BCKDHB: variants seen among roughly 807,000 people sequenced by gnomAD.
The protein encoded by BCKDHB is branched chain keto acid dehydrogenase E1 subunit beta.
In BCKDHB, 41 loss-of-function variants were observed where a neutral mutation model predicts 48.5. That is an observed-to-expected ratio of 0.85 (90% CI 0.66 to 1.10). The LOEUF (loss-of-function observed/expected upper bound fraction) is 1.10, where lower values mean the gene tolerates loss of function less well. Ranked by LOEUF, BCKDHB falls within the 50% of genes least tolerant of loss-of-function variation. The pLI is 0.00. For missense variants in BCKDHB, 496 were observed against 494.2 expected, an observed-to-expected ratio of 1.00 and a Z score of -0.03; for synonymous variants, 201 against 174.8, an observed-to-expected ratio of 1.15 and a Z score of -1.18.
At chr6:80,339,672 G>C (rs1175237968) in intron 9 of BCKDHB, among the ~76,000 whole-genome samples, 1 of 152,152 alleles carries the variant, frequency 6.6e-6, no homozygotes, top group Non-Finnish European at 1.5e-5. Flanking sequence ...TTACCTTCAT[G>C]ATCAAGTTTG....
At chr6:80,191,272 C>T (rs963256268) in intron 6 of BCKDHB, among the ~76,000 whole-genome samples, 4 of 152,058 alleles carry the variant, frequency 2.6e-5, no homozygotes, top group Non-Finnish European at 4.4e-5. Context: ...ATGTATTCCC[C>T]GTATATCTTT....
At chr6:80,165,690 G>A (rs1404955888) in intron 3 of BCKDHB, among the ~76,000 whole-genome samples, 1 of 152,124 alleles carries the variant, frequency 6.6e-6, no homozygotes, top group Admixed American at 6.6e-5. Context: ...TGAATTATAC[G>A]CTAATAAAAT....
intron 8 of BCKDHB, among the ~76,000 whole-genome samples, chr6:80,266,285 A>T (rs1180579982): frequency 1.3e-5 from 2 of 152,148 alleles, no homozygotes; most frequent in African/African-American, 4.8e-5. Context: ...AAGAGTGAAG[A>T]TACAAAAACA....
At chr6:80,159,770 CT>C (rs1373030424) in intron 3 of BCKDHB, among the ~76,000 whole-genome samples, 1 of 151,968 alleles carries the variant, frequency 6.6e-6, no homozygotes, top group Non-Finnish European at 1.5e-5. Flanking sequence ...TTTTATTTCC[CT>C]GGTTTATTTT....
the BCKDHB span, among the ~76,000 whole-genome samples, chr6:80,389,213 G>A: frequency 6.6e-6 from 1 of 151,850 alleles, no homozygotes; most frequent in African/African-American, 2.4e-5. Flanking sequence ...AGCCACCCCT[G>A]TTATCACCTA....
the BCKDHB span, among the ~76,000 whole-genome samples, chr6:80,378,946 T>C: frequency 6.6e-6 from 1 of 151,832 alleles, no homozygotes; most frequent in African/African-American, 2.4e-5. Flanking sequence ...AAATCAGTAA[T>C]AAAAAATCTC....
At chr6:80,320,384 T>C (rs1768660094) in intron 9 of BCKDHB, among the ~76,000 whole-genome samples, 1 of 152,242 alleles carries the variant, frequency 6.6e-6, no homozygotes, top group South Asian at 2.1e-4. Context: ...AGAATTTGTA[T>C]CATCTAAACA....
the BCKDHB span, chr6:80,373,914 T>G: frequency 7.1e-6 from 3 of 422,482 alleles, no homozygotes; most frequent in Non-Finnish European, 8.9e-6. Context: ...GTCAGGTGAG[T>G]CTCTTGGAAA....
chr6:80,191,882 A>G (rs1294033433), intron 6 of BCKDHB, among the ~76,000 whole-genome samples: 1 of 152,230 alleles, frequency 6.6e-6, no homozygotes, highest in Non-Finnish European at 1.5e-5. Context: ...AGAGCTTAGC[A>G]TCAATCTTTC....
chr6:80,176,032 T>C (rs1043858324), intron 6 of BCKDHB, among the ~76,000 whole-genome samples: 1 of 152,184 alleles, frequency 6.6e-6, no homozygotes, highest in Non-Finnish European at 1.5e-5. Context: ...AGGAAAAACG[T>C]TGGCTGCTAG....
intron 8 of BCKDHB, among the ~76,000 whole-genome samples, chr6:80,214,546 A>G (rs1775081066): frequency 6.6e-6 from 1 of 152,232 alleles, no homozygotes; most frequent in African/African-American, 2.4e-5. Flanking sequence ...AGTTAATGAA[A>G]TCAAGAACAT....
At chr6:80,409,186 G>A in the BCKDHB span, among the ~76,000 whole-genome samples, 123 of 152,114 alleles carry the variant, frequency 8.1e-4, no homozygotes, top group East Asian at 0.021. Flanking sequence ...TAGTTGTGTG[G>A]TTTTGAGTGG....
intron 6 of BCKDHB, among the ~76,000 whole-genome samples, chr6:80,178,427 T>C (rs1253677170): frequency 1.3e-5 from 2 of 152,224 alleles, no homozygotes; most frequent in African/African-American, 4.8e-5. Context: ...CCTTCGTTAA[T>C]AGCACAATAA....
chr6:80,280,518 G>A (rs1472500086), intron 9 of BCKDHB, among the ~76,000 whole-genome samples: 1 of 152,048 alleles, frequency 6.6e-6, no homozygotes, highest in Non-Finnish European at 1.5e-5. Context: ...GATCATAGTG[G>A]AGCATAAATA....
At chr6:80,425,826 A>C in the BCKDHB span, among the ~76,000 whole-genome samples, 11 of 152,228 alleles carry the variant, frequency 7.2e-5, no homozygotes, top group African/African-American at 2.7e-4. Context: ...AATAAATGAG[A>C]CAAATGTAAC....
chr6:80,295,513 CAT>C (rs1327838326), intron 9 of BCKDHB, among the ~76,000 whole-genome samples: 2 of 151,314 alleles, frequency 1.3e-5, no homozygotes, highest in Admixed American at 6.6e-5. Flanking sequence ...TCTCCCATGA[CAT>C]ATGGGAATTA....
At chr6:80,212,720 T>G (rs974178794) in intron 8 of BCKDHB, among the ~76,000 whole-genome samples, 2 of 152,216 alleles carry the variant, frequency 1.3e-5, no homozygotes, top group African/African-American at 4.8e-5. Flanking sequence ...CATGAAATCT[T>G]CACAATTTAT....
intron 9 of BCKDHB, among the ~76,000 whole-genome samples, chr6:80,341,219 G>A (rs947223): frequency 0.27 from 41,336 of 152,008 alleles, 5,773 homozygotes; most frequent in Non-Finnish European, 0.31. Flanking sequence ...ATAATTTACA[G>A]TAATCGTTTC....
At chr6:80,460,387 C>T in the BCKDHB span, among the ~76,000 whole-genome samples, 1 of 152,136 alleles carries the variant, frequency 6.6e-6, no homozygotes, top group Admixed American at 6.5e-5. Flanking sequence ...ACTTGCTTTA[C>T]ATTTCCCAGT....
Sources: allele counts gnomAD v4.1 joint callset (sites outside exome capture counted in the v4.1 genomes callset), GRCh38; gene constraint gnomAD v4.1.1; transcripts MANE v1.5; gene names NCBI Gene and HGNC (gene_info 2026-07-23, HGNC 2026-07-21).